ARHGAP26: variants seen among roughly 807,000 people sequenced by gnomAD.
ARHGAP26 encodes the protein Rho GTPase activating protein 26, also known as rho GTPase-activating protein 26.
In ARHGAP26, 38 loss-of-function variants were observed where a neutral mutation model predicts 104.8. That is an observed-to-expected ratio of 0.36 (90% CI 0.28 to 0.48). The LOEUF is 0.48. Among genes scored for constraint, ARHGAP26 ranks in the 20% least tolerant of loss-of-function variants. The probability of loss-of-function intolerance (pLI) is 0.99; values close to 1 mark genes in which losing one functional copy is unlikely to be tolerated. For synonymous variants in ARHGAP26, 341 were observed against 340.0 expected, an observed-to-expected ratio of 1.00 and a Z score of -0.03; for missense variants, 704 against 947.9, an observed-to-expected ratio of 0.74 and a Z score of 3.38.
intron 21 of ARHGAP26, among the ~76,000 whole-genome samples, chr5:143,211,289 G>A (rs1809418747): frequency 6.6e-6 from 1 of 152,056 alleles, no homozygotes; most frequent in Admixed American, 6.6e-5. Context: ...TGCAATATTT[G>A]GGACATAACG....
At chr5:143,014,215 G>C (rs985492204) in intron 12 of ARHGAP26, 99 bp downstream of exon 12, 4 of 1,397,266 alleles carry the variant, frequency 2.9e-6, no homozygotes, top group African/African-American at 2.9e-5. Context: ...TGCTGTGGGC[G>C]TGTTGGGTTG....
At chr5:142,908,471 A>G (rs1272289710) in intron 9 of ARHGAP26, among the ~76,000 whole-genome samples, 1 of 152,072 alleles carries the variant, frequency 6.6e-6, no homozygotes. Flanking sequence ...GGGCCTCGCC[A>G]TTTGGTCTCT....
chr5:142,877,123 A>G (rs1248850320), intron 3 of ARHGAP26, among the ~76,000 whole-genome samples: 2 of 152,204 alleles, frequency 1.3e-5, no homozygotes, highest in African/African-American at 4.8e-5. Context: ...TGACTGGATT[A>G]TACTTTTCAG....
intron 14 of ARHGAP26, among the ~76,000 whole-genome samples, chr5:143,044,666 C>T (rs1783970948): frequency 6.6e-6 from 1 of 152,150 alleles, no homozygotes; most frequent in South Asian, 2.1e-4. Context: ...TGGAGAAGTG[C>T]TTTCCTGAAA....
rs1761316503 is a variant in ARHGAP26, at chr5:142,907,865, G to A, written c.933+61G>A. The A allele has an allele frequency of 2.5e-6, 3 of 1,223,558 alleles. 1 individual carries two copies. The highest frequency in any genetic ancestry group is 3.6e-6 in the Non-Finnish European group (3 of 844,290). 75.8% of individuals were successfully genotyped at this position (1,223,558 alleles called of 1,614,324 possible). A position where few individuals can be genotyped will look rare whatever the true frequency, so the allele number is the denominator to read the frequency against. On this transcript the variant is annotated intron_variant, in intron 9 of 22. Coordinates refer to ENST00000645722, the MANE Select transcript of ARHGAP26 (RefSeq NM_001135608.3). ...TTGGCTAACATATAATGATTATAAT[G>A]CATGTATAAAGTAACACCTCCAGTG...
intron 6 of ARHGAP26, among the ~76,000 whole-genome samples, chr5:142,896,399 G>C (rs991657017): frequency 6.6e-6 from 1 of 152,036 alleles, no homozygotes; most frequent in Non-Finnish European, 1.5e-5. Context: ...CTCAGTAGGC[G>C]TACCTAGTGA....
intron 11 of ARHGAP26, among the ~76,000 whole-genome samples, chr5:142,995,965 C>T (rs1018809052): frequency 6.6e-5 from 10 of 152,014 alleles, no homozygotes; most frequent in African/African-American, 2.2e-4. Flanking sequence ...CTCACAACTC[C>T]CACTCCCATA....
intron 1 of ARHGAP26, among the ~76,000 whole-genome samples, chr5:142,816,766 T>C (rs1765214247): frequency 6.6e-6 from 1 of 152,192 alleles, no homozygotes; most frequent in Admixed American, 6.5e-5. Context: ...GGCAAGTCAT[T>C]TGGGGTTGGT....
intron 1 of ARHGAP26, among the ~76,000 whole-genome samples, chr5:142,802,357 G>C (rs1762233846): frequency 6.6e-6 from 1 of 152,178 alleles, no homozygotes; most frequent in South Asian, 2.1e-4. Flanking sequence ...TCCATGCGAA[G>C]TCAATTTGCT....
In ARHGAP26 at chr5:143,124,602, C is replaced by T. The variant is rs541691000; in HGVS notation, c.1698+3455C>T. Among the ~76,000 whole-genome samples the T allele has an allele frequency of 2.1e-4, 32 of 152,272 alleles. No homozygotes were observed. The South Asian group carries it at 5.0e-3, about 24-fold the overall frequency. Reference sequence around the variant, plus strand: ...GACCCCCCTCTTTCCAGGTGCTGTCCCATCATTCAGGAGTCCAGCCCCAAG... The same window carrying T: ...GACCCCCCTCTTTCCAGGTGCTGTCTCATCATTCAGGAGTCCAGCCCCAAG... On this transcript the variant is annotated intron_variant, in intron 18 of 22. Coordinates refer to ENST00000645722, the MANE Select transcript of ARHGAP26 (RefSeq NM_001135608.3).
chr5:143,149,829 A>G (rs901303286), intron 20 of ARHGAP26, among the ~76,000 whole-genome samples: 1 of 152,320 alleles, frequency 6.6e-6, no homozygotes, highest in Non-Finnish European at 1.5e-5. Flanking sequence ...TGCATGAGGT[A>G]GGGAACCAGT....
rs189364679 is a variant in ARHGAP26, at chr5:143,036,433, A to G, written c.1145-763A>G. Reference sequence around the variant, plus strand: ...TTTTCTGGGTGAGAATCCTGTCACCACTTGCTCATTTCCCCCTAGAGGATG... The same window carrying G: ...TTTTCTGGGTGAGAATCCTGTCACCGCTTGCTCATTTCCCCCTAGAGGATG... On this transcript the variant is annotated intron_variant, in intron 12 of 22. Coordinates refer to ENST00000645722, the MANE Select transcript of ARHGAP26 (RefSeq NM_001135608.3). Among the ~76,000 whole-genome samples, 22 of 152,306 alleles carry G rather than the reference A, an allele frequency of 1.4e-4. No individual in the cohort carries two copies. The East Asian group carries it at 3.7e-3, about 25-fold the overall frequency.
In ARHGAP26 at chr5:142,843,936, C is replaced by G. The variant is rs527900096; in HGVS notation, c.155-29464C>G. On this transcript the variant is annotated intron_variant, in intron 1 of 22. Coordinates refer to ENST00000645722, the MANE Select transcript of ARHGAP26 (RefSeq NM_001135608.3). Reference sequence around the variant, plus strand: ...TCTTGGGAAGTGGTGTGCTCCTGAGCCTTGGTTTCCTCATCTAGAGATGAT... The same window carrying G: ...TCTTGGGAAGTGGTGTGCTCCTGAGGCTTGGTTTCCTCATCTAGAGATGAT... 2.6e-5 allele frequency among the ~76,000 whole-genome samples: 4 copies of G among 152,076 alleles called. No individual in the cohort carries two copies. The East Asian group carries it at 7.7e-4, about 29-fold the overall frequency.
At chr5:142,840,446 T>G (rs1045222844) in intron 1 of ARHGAP26, among the ~76,000 whole-genome samples, 4 of 152,320 alleles carry the variant, frequency 2.6e-5, no homozygotes, top group African/African-American at 9.6e-5. Context: ...TGTTGTTGTT[T>G]TTTGACTATT....
chr5:142,889,903 G>A (rs1758251857), intron 5 of ARHGAP26, among the ~76,000 whole-genome samples: 1 of 151,518 alleles, frequency 6.6e-6, no homozygotes, highest in African/African-American at 2.4e-5. Context: ...GGGAGGCTGA[G>A]GTGGACAGAT....
At chr5:142,851,595 C>T (rs1751532288) in intron 1 of ARHGAP26, among the ~76,000 whole-genome samples, 1 of 152,138 alleles carries the variant, frequency 6.6e-6, no homozygotes, top group Non-Finnish European at 1.5e-5. Flanking sequence ...AGGTAACTCC[C>T]AACTATTTAT....
intron 11 of ARHGAP26, among the ~76,000 whole-genome samples, chr5:142,970,287 A>G (rs1312688322): frequency 2.0e-5 from 3 of 152,220 alleles, no homozygotes; most frequent in Non-Finnish European, 4.4e-5. Context: ...GGGTCATGAA[A>G]TGAAATAAAT....
At chr5:142,968,631 G>T (rs746075350) in intron 11 of ARHGAP26, among the ~76,000 whole-genome samples, 1 of 152,054 alleles carries the variant, frequency 6.6e-6, no homozygotes, top group Non-Finnish European at 1.5e-5. Context: ...CACTTCTTTT[G>T]TTATTTTATA....
At chr5:142,933,928 G>A (rs1382078442) in intron 11 of ARHGAP26, among the ~76,000 whole-genome samples, 4 of 152,060 alleles carry the variant, frequency 2.6e-5, no homozygotes, top group South Asian at 2.1e-4. Context: ...AATTGCCTTC[G>A]AAAAATTCTC....
Sources: gnomAD v4.1 joint callset for allele counts (sites outside exome capture counted in the v4.1 genomes callset) on GRCh38, gnomAD v4.1.1 for gene constraint, MANE v1.5 for transcripts, NCBI Gene and HGNC (gene_info 2026-07-23, HGNC 2026-07-21) for gene names.